Variants in OTUD7B observed in about 807,000 individuals in gnomAD.
OTUD7B encodes OTU deubiquitinase 7B.
A neutral mutation model predicts 82.2 loss-of-function variants in OTUD7B; 34 were observed. That is an observed-to-expected ratio of 0.41 (90% CI 0.31 to 0.55). The LOEUF (loss-of-function observed/expected upper bound fraction) is 0.55. OTUD7B is among the 20% of genes least tolerant of loss of function. The pLI is 0.20. For missense variants in OTUD7B, 944 were observed against 1,062.1 expected (o/e 0.89, Z 1.55); for synonymous variants, 398 against 402.7 (o/e 0.99, Z 0.14).
At chr1:150,065,090 C>T in the OTUD7B span, among the ~76,000 whole-genome samples, 1 of 148,196 alleles carries the variant, frequency 6.7e-6, no homozygotes, top group Admixed American at 6.7e-5. Flanking sequence ...GTAAATAGTG[C>T]TTTTTTTTTT....
At chr1:150,022,938 AGT>A in the OTUD7B span, among the ~76,000 whole-genome samples, 4 of 152,358 alleles carry the variant, frequency 2.6e-5, no homozygotes, top group African/African-American at 4.8e-5. Context: ...GTAAGGTCAT[AGT>A]GTTTGCCACC....
chr1:149,970,297 C>CT (rs1335360534), intron 3 of OTUD7B, among the ~76,000 whole-genome samples: 148,103 of 148,116 alleles, frequency 1, 74,045 homozygotes, highest in Middle Eastern at 1. Flanking sequence ...TTATGTATTT[C>CT]TTTTTTTAAT....
At chr1:150,045,067 A>C in the OTUD7B span, among the ~76,000 whole-genome samples, 60 of 150,086 alleles carry the variant, frequency 4.0e-4, no homozygotes, top group African/African-American at 1.4e-3. Flanking sequence ...ATATGAAAAT[A>C]AACAATATTA....
chr1:149,982,420 C>G lies in OTUD7B; in HGVS notation c.-66-4844G>C, dbSNP rs189178875. ...CACCATAGGAAAAGGTTGTGCCTAT[C>G]TCTCGTATTTATCAAAGACTTAAAC... On this transcript the variant is annotated intron_variant, in intron 1 of 11. Transcript: ENST00000581312. 1.5e-3 allele frequency among the ~76,000 whole-genome samples: 234 copies of G among 152,180 alleles called. 1 individual carries two copies. The highest frequency in any genetic ancestry group is 3.4e-3 in the Middle Eastern group (1 of 294).
the OTUD7B span, among the ~76,000 whole-genome samples, chr1:150,041,769 GTTTT>G: frequency 2.0e-5 from 3 of 151,968 alleles, no homozygotes; most frequent in African/African-American, 7.3e-5. Flanking sequence ...TTTATTGTTT[GTTTT>G]TTATTTCATT....
the OTUD7B span, chr1:150,067,604 C>T: frequency 1.0e-5 from 5 of 484,202 alleles, no homozygotes; most frequent in East Asian, 1.3e-4. Flanking sequence ...CTTCAGGCCG[C>T]AGGTGGGTGG....
chr1:150,039,228 T>C, the OTUD7B span, among the ~76,000 whole-genome samples: 2 of 152,190 alleles, frequency 1.3e-5, no homozygotes, highest in Non-Finnish European at 2.9e-5. Context: ...TCTCTTCATA[T>C]GTCAAGTTCC....
chr1:149,990,750 C>T (rs781988928), intron 1 of OTUD7B, among the ~76,000 whole-genome samples: 2 of 152,112 alleles, frequency 1.3e-5, no homozygotes, highest in African/African-American at 2.4e-5. Context: ...AATTCCAGCA[C>T]TTTGGGAGGC....
rs1559816419 is a variant in OTUD7B, at chr1:149,941,240, A to G, written c.*2617T>C. The G allele has an allele frequency of 1.3e-5, 2 of 152,242 alleles. No homozygotes were observed. Among genetic ancestry groups the G allele is most frequent in the Non-Finnish European group, 2.9e-5 (2 of 68,044 alleles). The allele number at this position is 152,242 out of a possible 1,614,324, so 9.4% of individuals were successfully genotyped here. A position where few individuals can be genotyped will look rare whatever the true frequency, so the allele number is the denominator to read the frequency against. On this transcript the variant is annotated 3_prime_UTR_variant, in exon 12 of 12. Transcript: ENST00000581312. ...AAAGTGTTAACTAGAATCTAACAAC[A>G]GATCAAATCCAAACACAGCAGTCCA... is the stretch of plus-strand genomic sequence containing the variant.
In OTUD7B at chr1:149,943,199, T is replaced by C. The variant is rs1647378553; in HGVS notation, c.*658A>G. The stretch of plus-strand genomic sequence containing the variant: ...TGACATATGACTGCTTGGAAGGAAA[T>C]AAACCTTAAGAGGAAAAGGATTTCC... On this transcript the variant is annotated 3_prime_UTR_variant, in exon 12 of 12. Coordinates refer to ENST00000581312, the MANE Select transcript of OTUD7B (RefSeq NM_020205.4). 1 of 152,426 alleles carries C rather than the reference T, an allele frequency of 6.6e-6. No individual in the cohort carries two copies. The highest frequency in any genetic ancestry group is 2.4e-5 in the African/African-American group (1 of 41,402). The allele number at this position is 152,426 out of a possible 1,614,324, so 9.4% of individuals were successfully genotyped here.
intron 1 of OTUD7B, among the ~76,000 whole-genome samples, chr1:149,990,214 G>A (rs1449604193): frequency 6.6e-6 from 1 of 152,232 alleles, no homozygotes; most frequent in Admixed American, 6.5e-5. Flanking sequence ...GTGGGTTAGG[G>A]AAGCTTCTAA....
At chr1:150,039,351 A>C in the OTUD7B span, among the ~76,000 whole-genome samples, 22,714 of 150,258 alleles carry the variant, frequency 0.15, 1,866 homozygotes, top group African/African-American at 0.18. Flanking sequence ...GAATATTATC[A>C]TAAATTATAT....
chr1:150,047,466 C>G, the OTUD7B span, among the ~76,000 whole-genome samples: 13 of 152,096 alleles, frequency 8.5e-5, no homozygotes, highest in Non-Finnish European at 1.8e-4. Flanking sequence ...TGATTGTCCT[C>G]ACTAGATTGT....
intron 8 of OTUD7B, 56 bp from the exon 9 acceptor site, chr1:149,949,834 C>T (rs917496783): frequency 1.3e-6 from 2 of 1,550,906 alleles, no homozygotes; most frequent in Non-Finnish European, 1.8e-6. Flanking sequence ...AGTGGACAAT[C>T]CCTACATCCC....
the OTUD7B span, among the ~76,000 whole-genome samples, chr1:150,038,375 G>GTTTA: frequency 2.1e-4 from 32 of 150,042 alleles, no homozygotes; most frequent in African/African-American, 7.4e-4. Context: ...TCTTTAAATT[G>GTTTA]TTTATTTATT....
the OTUD7B span, chr1:150,067,544 C>G: frequency 1.5e-5 from 5 of 336,070 alleles, no homozygotes; most frequent in African/African-American, 6.3e-5. Flanking sequence ...TGCCGCTGGG[C>G]CTCCAGCACC....
intron 3 of OTUD7B, 102 bp from the exon 4 acceptor site, chr1:149,967,623 G>A: frequency 4.9e-6 from 4 of 811,402 alleles, no homozygotes; most frequent in Non-Finnish European, 5.6e-6. Flanking sequence ...TACAGTCAGA[G>A]AAAAACTAAG....
At chr1:149,964,111 G>T in intron 6 of OTUD7B, 111 bp downstream of exon 6, 1 of 1,198,888 alleles carries the variant, frequency 8.3e-7, no homozygotes, top group Non-Finnish European at 1.2e-6. Context: ...GATCATAAGG[G>T]GAGTCACACT....
intron 3 of OTUD7B, among the ~76,000 whole-genome samples, chr1:149,968,318 T>C (rs1292779079): frequency 6.6e-6 from 1 of 151,866 alleles, no homozygotes; most frequent in African/African-American, 2.4e-5. Context: ...GGAACTTTCT[T>C]CCTACATCAA....
Sources: allele counts gnomAD v4.1 joint callset (sites outside exome capture counted in the v4.1 genomes callset), GRCh38; gene constraint gnomAD v4.1.1; transcripts MANE v1.5; gene names NCBI Gene and HGNC (gene_info 2026-07-23, HGNC 2026-07-21).